MDGA2: variants seen among roughly 807,000 people sequenced by gnomAD.
MDGA2 encodes the protein MAM domain-containing glycosylphosphatidylinositol anchor protein 2.
Under a neutral mutation model 117.8 loss-of-function variants are expected in MDGA2, and 40 were observed. The observed-to-expected ratio is 0.34, with a 90% CI of 0.26 to 0.44. MDGA2 has a LOEUF of 0.44. Among genes scored for constraint, MDGA2 ranks in the 20% least tolerant of loss-of-function variants. MDGA2 has a pLI of 1.00. For missense variants in MDGA2, 1,123 were observed against 1,250.6 expected (o/e 0.90, Z 1.54); for synonymous variants, 452 against 439.0 (o/e 1.03, Z -0.37).
At chr14:47,482,456 AC>A (rs1173860337) in intron 1 of MDGA2, among the ~76,000 whole-genome samples, 3 of 152,230 alleles carry the variant, frequency 2.0e-5, no homozygotes, top group Middle Eastern at 3.4e-3. Flanking sequence ...GACATAGAAC[AC>A]ATAACCTCTG....
At chr14:46,996,348 G>C (rs1887290805) in intron 8 of MDGA2, 1 of 152,162 alleles carries the variant, frequency 6.6e-6, no homozygotes, top group Non-Finnish European at 1.5e-5. Flanking sequence ...AAACCCACCA[G>C]ACCTAAGCCT....
intron 8 of MDGA2, among the ~76,000 whole-genome samples, chr14:46,962,792 T>A (rs919673781): frequency 6.6e-6 from 1 of 152,104 alleles, no homozygotes; most frequent in African/African-American, 2.4e-5. Flanking sequence ...AGAGTGAGTA[T>A]AGACAAAAAT....
chr14:47,511,410 G>T (rs142665949), intron 1 of MDGA2, among the ~76,000 whole-genome samples: 1 of 152,106 alleles, frequency 6.6e-6, no homozygotes, highest in East Asian at 1.9e-4. Flanking sequence ...CACATAAGAG[G>T]TTCTTGTATT....
At chr14:47,532,418 T>G (rs1487660597) in intron 1 of MDGA2, among the ~76,000 whole-genome samples, 4 of 152,186 alleles carry the variant, frequency 2.6e-5, no homozygotes, top group African/African-American at 9.7e-5. Context: ...CTAAGTCCAC[T>G]GCATTTTACT....
intron 3 of MDGA2, among the ~76,000 whole-genome samples, chr14:47,154,656 C>T (rs1274132733): frequency 2.6e-5 from 4 of 152,148 alleles, no homozygotes; most frequent in East Asian, 1.9e-4. Context: ...ATGCTAGGGT[C>T]GGTACTGACA....
intron 2 of MDGA2, among the ~76,000 whole-genome samples, chr14:47,281,079 AAAT>A (rs1888473809): frequency 6.7e-6 from 1 of 148,388 alleles, no homozygotes; most frequent in South Asian, 2.1e-4. Flanking sequence ...ATATAATATA[AAAT>A]AAAATATAAT....
chr14:47,270,943 G>T (rs929979470), intron 2 of MDGA2, among the ~76,000 whole-genome samples: 1 of 152,146 alleles, frequency 6.6e-6, no homozygotes, highest in Non-Finnish European at 1.5e-5. Flanking sequence ...TACTTAGCAG[G>T]ATTGAAGATG....
chr14:47,342,481 C>A (rs1455095970), intron 1 of MDGA2, among the ~76,000 whole-genome samples: 1 of 151,882 alleles, frequency 6.6e-6, no homozygotes, highest in Non-Finnish European at 1.5e-5. Context: ...TCACAACCCA[C>A]GTTCTTATAT....
rs1366391924 is a variant in MDGA2 at position 47,119,179 on chromosome 14, C to CTG, written c.925+12534_925+12535insCA. 1.2e-4 allele frequency among the ~76,000 whole-genome samples: 8 copies of CTG among 67,618 alleles called. 2 individuals carry two copies. In the East Asian group the frequency reaches 1.7e-3, roughly 15 times the overall value. The allele number at this position is 67,618 out of a possible 152,430, so 44.4% of individuals were successfully genotyped here. A position where few individuals can be genotyped will look rare whatever the true frequency, so the allele number is the denominator to read the frequency against. On this transcript the variant is annotated intron_variant, in intron 5 of 16. Transcript: ENST00000399232. Reference sequence around the variant, plus strand: ...CATTCTCCTGCCTCAGCCCCGCCCCCCCCCCCCCACCCCGTAGCTGGGACT... The same window carrying CTG: ...CATTCTCCTGCCTCAGCCCCGCCCCCTGCCCCCCCCACCCCGTAGCTGGGACT...
chr14:47,477,974 C>G (rs1296674825), intron 1 of MDGA2, among the ~76,000 whole-genome samples: 1 of 152,158 alleles, frequency 6.6e-6, no homozygotes, highest in Non-Finnish European at 1.5e-5. Context: ...TTCTTATTCC[C>G]AGACTACTGC....
chr14:47,343,067 A>G (rs1239656718), intron 1 of MDGA2: 1 of 1,283,660 alleles, frequency 7.8e-7, no homozygotes, highest in South Asian at 1.3e-5. Context: ...GCAGATCCCA[A>G]GGGATTCATA....
At chr14:47,325,312 TG>T (rs1457682972) in intron 1 of MDGA2, among the ~76,000 whole-genome samples, 1 of 152,076 alleles carries the variant, frequency 6.6e-6, no homozygotes, top group Non-Finnish European at 1.5e-5. Flanking sequence ...ATCACAACCA[TG>T]AGGGAATAAT....
intron 3 of MDGA2, among the ~76,000 whole-genome samples, chr14:47,192,220 C>T (rs969684237): frequency 1.3e-5 from 2 of 151,952 alleles, no homozygotes; most frequent in Non-Finnish European, 2.9e-5. Flanking sequence ...GGTATGGGAC[C>T]GAACGAGGTG....
intron 6 of MDGA2, among the ~76,000 whole-genome samples, chr14:47,073,665 G>A (rs1053426849): frequency 2.0e-5 from 3 of 152,176 alleles, no homozygotes; most frequent in Non-Finnish European, 4.4e-5. Flanking sequence ...TATTGTGAAA[G>A]GGTAAGAGAA....
At chr14:47,212,586 G>A (rs10138385) in intron 3 of MDGA2, among the ~76,000 whole-genome samples, 133,180 of 152,082 alleles carry the variant, frequency 0.88, 58,454 homozygotes, top group African/African-American at 0.93. Context: ...TTCAACTTCT[G>A]TTTATAGACT....
chr14:47,019,499 A>G (rs1222456824), intron 8 of MDGA2, among the ~76,000 whole-genome samples: 1 of 152,200 alleles, frequency 6.6e-6, no homozygotes, highest in African/African-American at 2.4e-5. Flanking sequence ...CAACCTAATA[A>G]CAACGTGTAA....
chr14:47,004,703 G>T (rs897124817), intron 8 of MDGA2, among the ~76,000 whole-genome samples: 3 of 151,600 alleles, frequency 2.0e-5, no homozygotes, highest in Non-Finnish European at 4.4e-5. Context: ...CACAATTTGC[G>T]AATAACTCAT....
intron 2 of MDGA2, among the ~76,000 whole-genome samples, chr14:47,260,195 G>T (rs1887749690): frequency 6.6e-6 from 1 of 152,124 alleles, no homozygotes. Context: ...ACAAAGTCCA[G>T]ATGAGAGCAA....
intron 1 of MDGA2, among the ~76,000 whole-genome samples, chr14:47,318,204 T>C (rs1285121024): frequency 6.8e-6 from 1 of 147,948 alleles, no homozygotes; most frequent in Non-Finnish European, 1.5e-5. Flanking sequence ...TACTCAAGAA[T>C]CTTCAATGGT....
Sources: gnomAD v4.1 joint callset for allele counts (sites outside exome capture counted in the v4.1 genomes callset) on GRCh38, gnomAD v4.1.1 for gene constraint, MANE v1.5 for transcripts, NCBI Gene and HGNC (gene_info 2026-07-23, HGNC 2026-07-21) for gene names.